The following NSMCE2 variants were observed in gnomAD, a reference collection of about 807,000 sequenced individuals.
The protein encoded by NSMCE2 is E3 SUMO-protein ligase NSE2.
NSMCE2 carries 24 observed loss-of-function variants against 23.8 expected under a neutral mutation model. The ratio of observed to expected loss-of-function variants is 1.01; its 90% CI spans 0.73 to 1.42. The LOEUF (loss-of-function observed/expected upper bound fraction) is 1.42, where lower values mean the gene tolerates loss of function less well. Among genes scored for constraint, NSMCE2 ranks in the 40% most tolerant of loss-of-function variants. The pLI, the probability that NSMCE2 is intolerant of heterozygous loss-of-function variation, is 0.00. For missense variants in NSMCE2, 284 were observed against 296.5 expected, an observed-to-expected ratio of 0.96 and a Z score of 0.31; for synonymous variants, 92 against 94.1, an observed-to-expected ratio of 0.98 and a Z score of 0.13.
rs146592297 is a variant in NSMCE2, at chr8:125,177,455, A to G, written c.265-4648A>G. ...CTTGTTCCTCCTTTGCCATCAAACT[A>G]TATTCATTGGTTCACACAGAACTCT... On this transcript the variant is annotated intron_variant, in intron 4 of 7. Transcript: ENST00000287437. Among the ~76,000 whole-genome samples, 479 of 152,300 alleles carry G rather than the reference A, an allele frequency of 3.1e-3. 1 individual carries two copies. The highest frequency in any genetic ancestry group is 5.2e-3 in the Non-Finnish European group (352 of 68,018).
chr8:125,106,539 G>A (rs1353198787), intron 3 of NSMCE2, among the ~76,000 whole-genome samples: 4 of 151,970 alleles, frequency 2.6e-5, no homozygotes, highest in Non-Finnish European at 5.9e-5. Flanking sequence ...TTAGCCGGGC[G>A]TGGTGGTGCG....
chr8:125,274,404 A>AT (rs1383183123), intron 5 of NSMCE2, among the ~76,000 whole-genome samples: 4 of 152,028 alleles, frequency 2.6e-5, no homozygotes, highest in Non-Finnish European at 4.4e-5. Context: ...TCATTTAATT[A>AT]TTTTTAAAAT....
chr8:125,258,071 T>C (rs1375102445), intron 5 of NSMCE2, among the ~76,000 whole-genome samples: 1 of 152,236 alleles, frequency 6.6e-6, no homozygotes, highest in Non-Finnish European at 1.5e-5. Flanking sequence ...TAGTAGCATC[T>C]ATTCAGAGAT....
intron 3 of NSMCE2, among the ~76,000 whole-genome samples, chr8:125,116,885 CT>C (rs35636109): frequency 0.076 from 9,825 of 129,422 alleles, 180 homozygotes; most frequent in South Asian, 0.13. Context: ...AAGCATATAA[CT>C]TTTTTTTTTT....
chr8:125,224,425 C>G (rs1299886054), intron 5 of NSMCE2, among the ~76,000 whole-genome samples: 1 of 152,098 alleles, frequency 6.6e-6, no homozygotes, highest in Non-Finnish European at 1.5e-5. Context: ...AGTAGTTTTA[C>G]AGTTTCAGGT....
At chr8:125,187,149 CG>C (rs1823144147) in intron 5 of NSMCE2, among the ~76,000 whole-genome samples, 1 of 152,100 alleles carries the variant, frequency 6.6e-6, no homozygotes, top group African/African-American at 2.4e-5. Context: ...GCTTAGCAGA[CG>C]GAAGACTTGG....
intron 3 of NSMCE2, among the ~76,000 whole-genome samples, chr8:125,126,290 TC>T (rs1819514275): frequency 6.6e-6 from 1 of 150,962 alleles, no homozygotes; most frequent in Non-Finnish European, 1.5e-5. Context: ...GAGAATCACT[TC>T]AACCCAGAGG....
At chr8:125,291,464 G>A (rs1828101398) in intron 5 of NSMCE2, among the ~76,000 whole-genome samples, 1 of 152,084 alleles carries the variant, frequency 6.6e-6, no homozygotes, top group South Asian at 2.1e-4. Flanking sequence ...AGTTCTATGA[G>A]CTGGTCAATG....
At chr8:125,217,725 A>T (rs917823269) in intron 5 of NSMCE2, among the ~76,000 whole-genome samples, 3 of 152,232 alleles carry the variant, frequency 2.0e-5, no homozygotes, top group East Asian at 1.9e-4. Flanking sequence ...TGTGACTGTC[A>T]CTGTGCTCAG....
chr8:125,298,429 C>G (rs751596846), intron 5 of NSMCE2, among the ~76,000 whole-genome samples: 1 of 152,166 alleles, frequency 6.6e-6, no homozygotes, highest in Non-Finnish European at 1.5e-5. Context: ...CCAAAGTCAC[C>G]CAGCCAGTAA....
At chr8:125,253,039 G>A (rs1331743032) in intron 5 of NSMCE2, among the ~76,000 whole-genome samples, 2 of 152,180 alleles carry the variant, frequency 1.3e-5, no homozygotes, top group Non-Finnish European at 2.9e-5. Context: ...TTAGCACTGT[G>A]CCTGGCAAAT....
chr8:125,094,357 G>C (rs1817829132), intron 1 of NSMCE2: 1 of 152,156 alleles, frequency 6.6e-6, no homozygotes, highest in Non-Finnish European at 1.5e-5. Context: ...CTTGTACTTA[G>C]CTGTATTTAT....
rs529842958 is a variant in NSMCE2, at chr8:125,176,716, C to G, written c.265-5387C>G. Among the ~76,000 whole-genome samples, 18 of 152,364 alleles carry G rather than the reference C, an allele frequency of 1.2e-4. 1 individual carries two copies. In the South Asian group the frequency reaches 3.7e-3, roughly 32 times the overall value. Reference sequence around the variant, plus strand: ...TTTATTGCTTCATTTATTTACCTCACAGCGACACTATACATTGTCTTAAAA... The same window carrying G: ...TTTATTGCTTCATTTATTTACCTCAGAGCGACACTATACATTGTCTTAAAA... On this transcript the variant is annotated intron_variant, in intron 4 of 7. Transcript: ENST00000287437.
intron 4 of NSMCE2, among the ~76,000 whole-genome samples, chr8:125,171,792 G>C (rs1822222682): frequency 6.6e-6 from 1 of 152,136 alleles, no homozygotes; most frequent in African/African-American, 2.4e-5. Context: ...TGCTTACCAA[G>C]TACTAGAGAG....
At chr8:125,201,217 C>A (rs1823859112) in intron 5 of NSMCE2, among the ~76,000 whole-genome samples, 1 of 152,142 alleles carries the variant, frequency 6.6e-6, no homozygotes, top group African/African-American at 2.4e-5. Context: ...CCATTGCTGG[C>A]GAGGAGCTGT....
At chr8:125,230,918 C>T (rs1165107922) in intron 5 of NSMCE2, among the ~76,000 whole-genome samples, 1 of 152,216 alleles carries the variant, frequency 6.6e-6, no homozygotes. Flanking sequence ...CTTCACTGAA[C>T]TCTACGTAGT....
At chr8:125,352,938 G>C (rs1355306303) in intron 5 of NSMCE2, among the ~76,000 whole-genome samples, 1 of 152,120 alleles carries the variant, frequency 6.6e-6, no homozygotes, top group Non-Finnish European at 1.5e-5. Flanking sequence ...TAGACTCTTG[G>C]TCTGTGGTCT....
At chr8:125,145,275 G>A (rs202041767) in intron 3 of NSMCE2, among the ~76,000 whole-genome samples, 2 of 152,148 alleles carry the variant, frequency 1.3e-5, no homozygotes, top group East Asian at 3.8e-4. Flanking sequence ...GTACAGACAT[G>A]CAGGTTTATA....
chr8:125,140,034 A>G (rs1820279706), intron 3 of NSMCE2, among the ~76,000 whole-genome samples: 1 of 152,222 alleles, frequency 6.6e-6, no homozygotes, highest in Non-Finnish European at 1.5e-5. Context: ...GAATATTTGC[A>G]TGGGATTACT....
Sources: allele counts gnomAD v4.1 joint callset (sites outside exome capture counted in the v4.1 genomes callset), GRCh38; gene constraint gnomAD v4.1.1; transcripts MANE v1.5; gene names NCBI Gene and HGNC (gene_info 2026-07-23, HGNC 2026-07-21).